The following SUSD4 variants were observed in gnomAD, a reference collection of about 807,000 sequenced individuals.
The protein encoded by SUSD4 is sushi domain-containing protein 4.
Under a neutral mutation model 50.5 loss-of-function variants are expected in SUSD4, and 41 were observed. The observed-to-expected ratio is 0.81, with a 90% CI of 0.63 to 1.05. The LOEUF (loss-of-function observed/expected upper bound fraction) is 1.05. Ranked by LOEUF, SUSD4 falls within the 50% of genes least tolerant of loss-of-function variation. SUSD4 has a pLI of 0.00. For missense variants in SUSD4, 580 were observed against 634.7 expected (o/e 0.91, Z 0.93); for synonymous variants, 257 against 257.3 (o/e 1.00, Z 0.01).
At chr1:223,224,868 T>C (rs1383110859) in intron 7 of SUSD4, among the ~76,000 whole-genome samples, 1 of 139,758 alleles carries the variant, frequency 7.2e-6, no homozygotes, top group African/African-American at 2.7e-5. Flanking sequence ...CTTCCTTTTT[T>C]TTTTTTTTTT....
chr1:223,363,192 GA>G, intron 2 of SUSD4, 85 bp downstream of exon 2: 1 of 1,350,528 alleles, frequency 7.4e-7, no homozygotes, highest in Non-Finnish European at 9.7e-7. Flanking sequence ...GTGTATGGGG[GA>G]GGGGTGCAGG....
chr1:223,249,059 C>T (rs900323926), intron 5 of SUSD4, among the ~76,000 whole-genome samples: 6 of 152,126 alleles, frequency 3.9e-5, no homozygotes, highest in Non-Finnish European at 8.8e-5. Context: ...TTGATAGGAG[C>T]CACAGTGGCT....
At chr1:223,293,498 G>A (rs539644892) in intron 2 of SUSD4, among the ~76,000 whole-genome samples, 1 of 152,272 alleles carries the variant, frequency 6.6e-6, no homozygotes, top group South Asian at 2.1e-4. Flanking sequence ...ATACCAGTTT[G>A]CTGAATGAAT....
chr1:223,331,356 T>C (rs964468557), intron 2 of SUSD4, among the ~76,000 whole-genome samples: 2 of 152,102 alleles, frequency 1.3e-5, no homozygotes, highest in Non-Finnish European at 2.9e-5. Flanking sequence ...GCCACTGAGG[T>C]TGCAACTGCA....
At chr1:223,260,255 A>C (rs1370146100) in intron 5 of SUSD4, among the ~76,000 whole-genome samples, 2 of 152,184 alleles carry the variant, frequency 1.3e-5, no homozygotes, top group Non-Finnish European at 1.5e-5. Context: ...TAAACTCTTC[A>C]AAAGAAGGAA....
intron 2 of SUSD4, among the ~76,000 whole-genome samples, chr1:223,341,078 T>C (rs1247166045): frequency 6.6e-6 from 1 of 152,236 alleles, no homozygotes; most frequent in Non-Finnish European, 1.5e-5. Flanking sequence ...AATAATCTGG[T>C]GTTCTTTGGG....
chr1:223,282,891 G>C (rs973193193), intron 3 of SUSD4, among the ~76,000 whole-genome samples: 3 of 152,116 alleles, frequency 2.0e-5, no homozygotes, highest in Non-Finnish European at 4.4e-5. Context: ...CCAAAACAGA[G>C]ATATAGACCA....
intron 3 of SUSD4, among the ~76,000 whole-genome samples, chr1:223,288,215 T>C (rs536718209): frequency 6.6e-6 from 1 of 152,284 alleles, no homozygotes; most frequent in East Asian, 1.9e-4. Context: ...CTCGTGATAG[T>C]GAGGGAGTTC....
chr1:223,254,148 G>A (rs1661523819), intron 5 of SUSD4, among the ~76,000 whole-genome samples: 1 of 152,224 alleles, frequency 6.6e-6, no homozygotes, highest in African/African-American at 2.4e-5. Context: ...TGAGAACCAT[G>A]GATGGGGGCT....
At chr1:223,326,974 C>T (rs932453432) in intron 2 of SUSD4, among the ~76,000 whole-genome samples, 31 of 152,150 alleles carry the variant, frequency 2.0e-4, no homozygotes, top group Admixed American at 1.0e-3. Context: ...CCATTCAATC[C>T]GGCAATCCCA....
At chr1:223,306,271 T>A (rs1572023342) in intron 2 of SUSD4, among the ~76,000 whole-genome samples, 2 of 152,184 alleles carry the variant, frequency 1.3e-5, no homozygotes, top group Non-Finnish European at 2.9e-5. Context: ...AACTGCTCTA[T>A]AAAAGCATGC....
intron 2 of SUSD4, among the ~76,000 whole-genome samples, chr1:223,306,281 C>T (rs147892593): frequency 6.6e-6 from 1 of 152,254 alleles, no homozygotes; most frequent in Non-Finnish European, 1.5e-5. Flanking sequence ...TAAAAGCATG[C>T]CCAGCAACTT....
At chr1:223,296,582 G>A (rs917017195) in intron 2 of SUSD4, among the ~76,000 whole-genome samples, 2 of 152,176 alleles carry the variant, frequency 1.3e-5, no homozygotes, top group Non-Finnish European at 2.9e-5. Context: ...AGGAGCAGCT[G>A]AGGACACACA....
At chr1:223,337,687 C>G (rs1667535060) in intron 2 of SUSD4, among the ~76,000 whole-genome samples, 1 of 152,210 alleles carries the variant, frequency 6.6e-6, no homozygotes, top group Non-Finnish European at 1.5e-5. Flanking sequence ...ACATTGTCCC[C>G]TCCCTCACCT....
At chr1:223,245,891 A>G (rs1660892151) in intron 5 of SUSD4, among the ~76,000 whole-genome samples, 1 of 152,206 alleles carries the variant, frequency 6.6e-6, no homozygotes, top group African/African-American at 2.4e-5. Flanking sequence ...TTGTGGTACT[A>G]CTGACTATGC....
intron 2 of SUSD4, among the ~76,000 whole-genome samples, chr1:223,331,894 G>T (rs1667197379): frequency 6.6e-6 from 1 of 152,164 alleles, no homozygotes; most frequent in African/African-American, 2.4e-5. Flanking sequence ...GAAATGTCCA[G>T]GTTGTATTGC....
At chr1:223,270,407 G>A (rs986354369) in intron 3 of SUSD4, among the ~76,000 whole-genome samples, 6 of 152,160 alleles carry the variant, frequency 3.9e-5, no homozygotes, top group Non-Finnish European at 5.9e-5. Flanking sequence ...CTGGAGCACG[G>A]CTAACAGGCT....
intron 2 of SUSD4, among the ~76,000 whole-genome samples, chr1:223,352,803 T>C (rs147682023): frequency 1.3e-5 from 2 of 152,046 alleles, no homozygotes; most frequent in African/African-American, 4.8e-5. Context: ...CAAATGCAAC[T>C]CCCAGTTCAC....
intron 2 of SUSD4, among the ~76,000 whole-genome samples, chr1:223,331,105 A>G (rs1667148012): frequency 6.6e-6 from 1 of 152,140 alleles, no homozygotes; most frequent in African/African-American, 2.4e-5. Context: ...CAAGCCCTTC[A>G]GTGCATCCAC....
Sources: gnomAD v4.1 joint callset for allele counts (sites outside exome capture counted in the v4.1 genomes callset) on GRCh38, gnomAD v4.1.1 for gene constraint, MANE v1.5 for transcripts, NCBI Gene and HGNC (gene_info 2026-07-23, HGNC 2026-07-21) for gene names.